Variants in SDK2 observed in about 807,000 individuals in gnomAD.
SDK2 encodes protein sidekick-2.
SDK2 carries 105 observed loss-of-function variants against 253.9 expected under a neutral mutation model. That is an observed-to-expected ratio of 0.41 (90% confidence interval 0.35 to 0.49). The LOEUF is 0.49. Among genes scored for constraint, SDK2 ranks in the 20% least tolerant of loss-of-function variants. The pLI, the probability that SDK2 is intolerant of heterozygous loss-of-function variation, is 0.06. For missense variants in SDK2, 2,608 were observed against 3,003.0 expected, an observed-to-expected ratio of 0.87 and a Z score of 3.07; for synonymous variants, 1,249 against 1,234.9, an observed-to-expected ratio of 1.01 and a Z score of -0.24.
At chr17:73,555,131 G>A (rs1400780533) in intron 1 of SDK2, among the ~76,000 whole-genome samples, 1 of 152,238 alleles carries the variant, frequency 6.6e-6, no homozygotes, top group Non-Finnish European at 1.5e-5. Context: ...ATGCAGCCCC[G>A]AGCTGGGCTA....
chr17:73,412,171 C>CGT (rs1246476476), intron 18 of SDK2, among the ~76,000 whole-genome samples: 55 of 145,822 alleles, frequency 3.8e-4, no homozygotes, highest in African/African-American at 1.4e-3. Flanking sequence ...TGTATATACA[C>CGT]ATATATGTAT....
At chr17:73,584,189 G>T (rs1275501831) in intron 1 of SDK2, among the ~76,000 whole-genome samples, 2 of 152,226 alleles carry the variant, frequency 1.3e-5, no homozygotes, top group African/African-American at 4.8e-5. Context: ...GAGCTGGGCA[G>T]TTGGCCTGGC....
chr17:73,433,958 GC>G, intron 9 of SDK2, 110 bp from the exon 10 acceptor site: 1 of 687,454 alleles, frequency 1.5e-6, no homozygotes. Context: ...TCCTCCCCCT[GC>G]CATGGTGAGG....
intron 1 of SDK2, among the ~76,000 whole-genome samples, chr17:73,636,416 G>T (rs1048751334): frequency 6.6e-6 from 1 of 152,094 alleles, no homozygotes; most frequent in Non-Finnish European, 1.5e-5. Context: ...AGCCAAGTGC[G>T]GCAGCTCATG....
At chr17:73,357,872 G>A (rs2062605109) in intron 40 of SDK2, 3 of 750,124 alleles carry the variant, frequency 4.0e-6, no homozygotes, top group Non-Finnish European at 6.9e-6. Flanking sequence ...TTCTCTGGGG[G>A]CCTCCTGGGG....
intron 2 of SDK2, among the ~76,000 whole-genome samples, chr17:73,492,769 G>A (rs1165594849): frequency 6.6e-6 from 1 of 152,104 alleles, no homozygotes; most frequent in Non-Finnish European, 1.5e-5. Flanking sequence ...CGAAGACACA[G>A]GGGAGAGGTA....
chr17:73,369,043 T>C lies in SDK2; in HGVS notation c.4981-450A>G, dbSNP rs1599491323. Reference sequence around the variant, plus strand: ...AAAAAAAAAGAATTTAAGAACTGTTTTAGAAACCTTTCTGGAACCTTCCTT... The same window carrying C: ...AAAAAAAAAGAATTTAAGAACTGTTCTAGAAACCTTTCTGGAACCTTCCTT... On this transcript the variant is annotated intron_variant, in intron 36 of 44. Coordinates refer to ENST00000392650, the MANE Select transcript of SDK2 (RefSeq NM_001144952.2). 2.1e-5 allele frequency: 8 copies of C among 383,236 alleles called. No homozygotes were observed. In the East Asian group the frequency reaches 6.0e-4, roughly 29 times the overall value. 23.7% of individuals were successfully genotyped at this position (383,236 alleles called of 1,614,324 possible).
At chr17:73,397,968 A>C in intron 24 of SDK2, 67 bp downstream of exon 24, 1 of 1,542,380 alleles carries the variant, frequency 6.5e-7, no homozygotes. Flanking sequence ...TCTGATGTGC[A>C]CCTTCTAGGA....
At chr17:73,518,555 A>G (rs1193499394) in intron 1 of SDK2, 2 of 152,168 alleles carry the variant, frequency 1.3e-5, no homozygotes, top group Non-Finnish European at 2.9e-5. Flanking sequence ...CCAACCTTGC[A>G]TGGAAAAAAG....
intron 1 of SDK2, among the ~76,000 whole-genome samples, chr17:73,557,998 G>T (rs2045170706): frequency 6.6e-6 from 1 of 152,210 alleles, no homozygotes; most frequent in Non-Finnish European, 1.5e-5. Flanking sequence ...ACCAAGTCCA[G>T]CTCTCTTGTT....
At chr17:73,507,731 G>A (rs2145760674) in intron 1 of SDK2, 134 bp from the exon 2 acceptor site, 2 of 939,900 alleles carry the variant, frequency 2.1e-6, no homozygotes, top group Non-Finnish European at 3.1e-6. Context: ...CCGTGGCTGG[G>A]AGGGACTTGA....
rs1415509877 is a variant in SDK2, at chr17:73,612,135, C to T, written c.64+31890G>A. 2.0e-5 allele frequency among the ~76,000 whole-genome samples: 3 copies of T among 152,218 alleles called. No individual in the cohort carries two copies. Among genetic ancestry groups the T allele is most frequent in the Admixed American group, 6.5e-5 (1 of 15,294 alleles). ...ATTGAGAACTCGTTATGAAAATAAA[C>T]AGCAATTCCTTTCACCCCCGCTGCA... On this transcript the variant is annotated intron_variant, in intron 1 of 44. Coordinates refer to ENST00000392650, the MANE Select transcript of SDK2 (RefSeq NM_001144952.2). The surrounding 1 kb of genome is among the most constrained non-coding windows in gnomAD (Gnocchi z 4.4).
At chr17:73,641,330 T>C (rs1159144357) in intron 1 of SDK2, among the ~76,000 whole-genome samples, 1 of 152,230 alleles carries the variant, frequency 6.6e-6, no homozygotes, top group African/African-American at 2.4e-5. Flanking sequence ...AGAGCTATTA[T>C]TGCCAGTGTA....
rs769406571 is a variant in SDK2 at position 73,402,145 on chromosome 17, C to A, written c.2485-4G>T. 5.0e-6 allele frequency: 8 copies of A among 1,611,796 alleles called. No homozygotes were observed. Among genetic ancestry groups the A allele is most frequent in the Non-Finnish European group, 1.7e-6 (2 of 1,178,570 alleles). ...GTTCCGGCTCCCAGGCGATCAGCTG[C>A]GGAGAGGCGAGCAAGTCACACAGGG... On this transcript the variant is annotated splice_polypyrimidine_tract_variant and splice_region_variant and intron_variant, in intron 18 of 44. Transcript: ENST00000392650.
chr17:73,384,271 T>C (rs568279736), intron 32 of SDK2, among the ~76,000 whole-genome samples: 1 of 152,202 alleles, frequency 6.6e-6, no homozygotes, highest in Non-Finnish European at 1.5e-5. Flanking sequence ...GGCTCAGAGA[T>C]GTTAAGGAAC....
At chr17:73,491,927 G>C (rs2063809046) in intron 2 of SDK2, among the ~76,000 whole-genome samples, 1 of 152,200 alleles carries the variant, frequency 6.6e-6, no homozygotes, top group Admixed American at 6.5e-5. Flanking sequence ...GGACTGAGGA[G>C]CACAGCTCTG....
At position 73,567,838 on chromosome 17, in the gene SDK2, A is replaced by G. The variant is rs59365437; in HGVS notation, c.65-60241T>C. On this transcript the variant is annotated intron_variant, in intron 1 of 44. Coordinates refer to ENST00000392650, the MANE Select transcript of SDK2 (RefSeq NM_001144952.2). ...AAAATGTTTACCTCATGCCTGTACCACCATTGTATCTTGAAAGTAAATCAC... is the reference window on the plus strand; with the variant it reads ...AAAATGTTTACCTCATGCCTGTACCGCCATTGTATCTTGAAAGTAAATCAC... Among the ~76,000 whole-genome samples the G allele has an allele frequency of 7.1e-3, 1,077 of 152,338 alleles. 17 individuals carry two copies. Among genetic ancestry groups the G allele is most frequent in the African/African-American group, 0.025 (1,022 of 41,562 alleles).
At chr17:73,473,323 G>A (rs1054341160) in intron 2 of SDK2, among the ~76,000 whole-genome samples, 1 of 152,218 alleles carries the variant, frequency 6.6e-6, no homozygotes, top group African/African-American at 2.4e-5. Flanking sequence ...GGACAGGAGT[G>A]GATGAAGGGG....
At chr17:73,353,323 T>A (rs750680151) in intron 40 of SDK2, among the ~76,000 whole-genome samples, 1 of 152,184 alleles carries the variant, frequency 6.6e-6, no homozygotes, top group South Asian at 2.1e-4. Flanking sequence ...GCCTAAGACA[T>A]TATCATATGG....
Sources: gnomAD v4.1 joint callset for allele counts (sites outside exome capture counted in the v4.1 genomes callset) on GRCh38, gnomAD v4.1.1 for gene constraint, Gnocchi (gnomAD v3.1) non-coding constraint, MANE v1.5 for transcripts, NCBI Gene and HGNC (gene_info 2026-07-23, HGNC 2026-07-21) for gene names.